Variants in ATP6V0D1 observed in about 807,000 individuals in gnomAD.
The protein encoded by ATP6V0D1 is V-type proton ATPase subunit d 1.
In ATP6V0D1, 13 loss-of-function variants were observed where a neutral mutation model predicts 39.0. The ratio of observed to expected loss-of-function variants is 0.33; its 90% CI spans 0.22 to 0.53. The LOEUF (loss-of-function observed/expected upper bound fraction) is 0.53, where lower values mean the gene tolerates loss of function less well. Among genes scored for constraint, ATP6V0D1 ranks in the 20% least tolerant of loss-of-function variants. The pLI, the probability that ATP6V0D1 is intolerant of heterozygous loss-of-function variation, is 0.94. For synonymous variants in ATP6V0D1, 191 were observed against 191.2 expected (o/e 1.00, Z 0.01); for missense variants, 272 against 470.9 (o/e 0.58, Z 3.91).
intron 1 of ATP6V0D1, among the ~76,000 whole-genome samples, chr16:67,475,076 C>T (rs1271173139): frequency 6.6e-6 from 1 of 152,210 alleles, no homozygotes; most frequent in Non-Finnish European, 1.5e-5. Flanking sequence ...TTTCTGCCTC[C>T]AGGGTGGCCT....
intron 1 of ATP6V0D1, among the ~76,000 whole-genome samples, chr16:67,467,291 G>A (rs1410670370): frequency 1.3e-5 from 2 of 152,130 alleles, no homozygotes; most frequent in Admixed American, 6.6e-5. Context: ...CGGATCACGA[G>A]GTCAAGAGAT....
rs4360931 is a variant in ATP6V0D1, at chr16:67,438,023, C to G, written c.*505G>C. 0.2 allele frequency: 32,859 copies of G among 164,432 alleles called. 7,014 individuals are homozygous for G. The highest frequency in any genetic ancestry group is 0.56 in the African/African-American group (23,149 of 41,444). The allele number at this position is 164,432 out of a possible 1,614,324, so 10.2% of individuals were successfully genotyped here. A position where few individuals can be genotyped will look rare whatever the true frequency, so the allele number is the denominator to read the frequency against. The stretch of plus-strand genomic sequence containing the variant: ...CCTAAACGAGACAGCAGACAGTTGG[C>G]CTTAGAGAGGGCAGTTTTATTGTCT... On this transcript the variant is annotated 3_prime_UTR_variant, in exon 8 of 8. Transcript: ENST00000290949.
chr16:67,451,670 G>A (rs2041182635), intron 2 of ATP6V0D1, among the ~76,000 whole-genome samples: 1 of 152,268 alleles, frequency 6.6e-6, no homozygotes, highest in Non-Finnish European at 1.5e-5. Flanking sequence ...CCTTCTGAGT[G>A]AGGGGAGGAG....
At chr16:67,466,750 T>C (rs925809009) in intron 1 of ATP6V0D1, among the ~76,000 whole-genome samples, 1 of 152,106 alleles carries the variant, frequency 6.6e-6, no homozygotes, top group Non-Finnish European at 1.5e-5. Flanking sequence ...TGAGCCATGA[T>C]GGAGCCACTG....
Position 67,444,324 on chromosome 16 carries a change from A to G in ATP6V0D1, c.481+204T>C, listed in dbSNP as rs1228873207. Among the ~76,000 whole-genome samples, 1 of 152,224 alleles carries G rather than the reference A, an allele frequency of 6.6e-6. No homozygotes were observed. The highest frequency in any genetic ancestry group is 2.4e-5 in the African/African-American group (1 of 41,448). ...AGGCCCTGGGTAGCCTGCCTGGCCC[A>G]GCAAAAGCAACAGGACAGGAGCAGA... On this transcript the variant is annotated intron_variant, in intron 3 of 7. Transcript: ENST00000290949. This position sits in a 1 kb window ranked among gnomAD's most constrained non-coding sequence, Gnocchi z 4.8.
Position 67,438,461 on chromosome 16 carries a change from GCACACACACGCGCACACACACACA to G in ATP6V0D1, c.*43_*66del. 11 of 1,536,482 alleles carry G rather than the reference GCACACACACGCGCACACACACACA, an allele frequency of 7.2e-6. No homozygotes were observed. The highest frequency in any genetic ancestry group is 8.8e-6 in the Non-Finnish European group (10 of 1,131,578). ...TGTCACAGACCACATACACACACACGCACACACACGCGCACACACACACACACACACACAAAGAGTGCAATTGAG... is the reference window on the plus strand; with the variant it reads ...TGTCACAGACCACATACACACACACGCACACACACAAAGAGTGCAATTGAG... On this transcript the variant is annotated 3_prime_UTR_variant, in exon 8 of 8. Transcript: ENST00000290949.
At chr16:67,474,458 C>T (rs1597584801) in intron 1 of ATP6V0D1, among the ~76,000 whole-genome samples, 1 of 152,236 alleles carries the variant, frequency 6.6e-6, no homozygotes, top group African/African-American at 2.4e-5. Context: ...TCATTAAGGT[C>T]TCCTATGACC....
At chr16:67,459,345 C>T in intron 1 of ATP6V0D1, 1 of 843,630 alleles carries the variant, frequency 1.2e-6, no homozygotes, top group Non-Finnish European at 1.4e-6. Context: ...CTGAGGTTGC[C>T]TGTGTCAAGG....
intron 2 of ATP6V0D1, among the ~76,000 whole-genome samples, chr16:67,446,886 C>T (rs1243807949): frequency 2.6e-5 from 4 of 152,170 alleles, no homozygotes; most frequent in African/African-American, 4.8e-5. Flanking sequence ...GCATTACCAG[C>T]CCCACTGTCA....
chr16:67,480,882 G>T, intron 1 of ATP6V0D1, 75 bp downstream of exon 1: 1 of 1,561,608 alleles, frequency 6.4e-7, no homozygotes, highest in Non-Finnish European at 8.7e-7. Flanking sequence ...CCCCCCTTCC[G>T]GCTTCCCGGC....
At position 67,481,042 on chromosome 16, in the gene ATP6V0D1, G is replaced by A. The variant is rs2041470574; in HGVS notation, c.45C>T (p.Tyr15=). 6 of 1,614,100 alleles carry A rather than the reference G, an allele frequency of 3.7e-6. No individual in the cohort carries two copies. The highest frequency in any genetic ancestry group is 1.3e-5 in the African/African-American group (1 of 74,954). The stretch of plus-strand genomic sequence containing the variant: ...TCAGGCCGCGCACCAGTCCCTCCAA[G>A]TAGCCATTGTCCACGTTAAAGTAAA... ...PELYFNVDNG[Y]LEGLVRGLKA... The change falls in exon 1 of 8, where the codon TAC becomes TAT. Residue 15 remains tyrosine, a synonymous_variant. Transcript: ENST00000290949.
chr16:67,439,764 G>A, intron 4 of ATP6V0D1: 1 of 230,894 alleles, frequency 4.3e-6, no homozygotes, highest in Non-Finnish European at 8.7e-6. Flanking sequence ...GCTCACGCCT[G>A]TAATCCCAGC....
chr16:67,460,660 TC>T (rs1469149358), intron 1 of ATP6V0D1, among the ~76,000 whole-genome samples: 1 of 151,580 alleles, frequency 6.6e-6, no homozygotes, highest in Non-Finnish European at 1.5e-5. Context: ...ATGCCAGCTT[TC>T]CCCCCTCCCC....
intron 1 of ATP6V0D1, among the ~76,000 whole-genome samples, chr16:67,473,081 T>TCCTCGACACACACTCTA (rs2041387225): frequency 6.6e-6 from 1 of 152,012 alleles, no homozygotes; most frequent in African/African-American, 2.4e-5. Flanking sequence ...CTGCTGCAAA[T>TCCTCGACACACACTCTA]CCTCGACACA....
chr16:67,474,423 C>T (rs764505573), intron 1 of ATP6V0D1, among the ~76,000 whole-genome samples: 9 of 152,356 alleles, frequency 5.9e-5, no homozygotes, highest in South Asian at 2.1e-4. Flanking sequence ...CTGCGGTCAC[C>T]TTCTAGCCTC....
intron 1 of ATP6V0D1, among the ~76,000 whole-genome samples, chr16:67,461,333 C>T (rs550013068): frequency 6.6e-6 from 1 of 152,290 alleles, no homozygotes; most frequent in African/African-American, 2.4e-5. Flanking sequence ...GCTCAAGAGC[C>T]GGGGCTTCTG....
intron 1 of ATP6V0D1, chr16:67,459,178 G>C: frequency 1.0e-6 from 1 of 985,558 alleles, no homozygotes; most frequent in African/African-American, 1.7e-5. Context: ...AAGTGCTCCA[G>C]GGAAGTCCAC....
chr16:67,445,812 C>T, intron 2 of ATP6V0D1: 13 of 420,218 alleles, frequency 3.1e-5, no homozygotes, highest in South Asian at 1.9e-4. Flanking sequence ...GTGTAGTCAC[C>T]TGTGTGGGGA....
intron 1 of ATP6V0D1, among the ~76,000 whole-genome samples, chr16:67,474,181 G>C (rs1163915660): frequency 1.3e-5 from 2 of 152,330 alleles, no homozygotes; most frequent in East Asian, 3.9e-4. Flanking sequence ...TCTCCTAGGA[G>C]TGACAGCAGG....
Sources: allele counts gnomAD v4.1 joint callset (sites outside exome capture counted in the v4.1 genomes callset), GRCh38; gene constraint gnomAD v4.1.1; non-coding constraint Gnocchi (gnomAD v3.1); transcripts MANE v1.5; gene names NCBI Gene and HGNC (gene_info 2026-07-23, HGNC 2026-07-21).